The following ZDHHC11 variants were observed in gnomAD, a reference collection of about 807,000 sequenced individuals.
The protein encoded by ZDHHC11 is zDHHC palmitoyltransferase 11, also known as palmitoyltransferase ZDHHC11.
A neutral mutation model predicts 51.3 loss-of-function variants in ZDHHC11; 44 were observed. The observed-to-expected ratio is 0.86, with a 90% CI of 0.67 to 1.10. The LOEUF (loss-of-function observed/expected upper bound fraction) is 1.10, where lower values mean the gene tolerates loss of function less well. Among genes scored for constraint, ZDHHC11 ranks in the 50% least tolerant of loss-of-function variants. ZDHHC11 has a pLI of 0.00. For missense variants in ZDHHC11, 400 were observed against 537.7 expected (o/e 0.74, Z 2.53); for synonymous variants, 163 against 222.0 (o/e 0.73, Z 2.36).
At chr5:847,247 A>C (rs1579795771) in intron 3 of ZDHHC11, among the ~76,000 whole-genome samples, 2 of 151,796 alleles carry the variant, frequency 1.3e-5, no homozygotes, top group South Asian at 4.2e-4. Flanking sequence ...AGGAGGCCTC[A>C]GCCAGCGTGG....
At chr5:845,676 C>T (rs1428997485) in intron 3 of ZDHHC11, among the ~76,000 whole-genome samples, 2 of 151,926 alleles carry the variant, frequency 1.3e-5, no homozygotes, top group Admixed American at 6.6e-5. Context: ...GCCTCCCTCG[C>T]GGGGGCTCTG....
chr5:837,605 G>A lies in ZDHHC11; in HGVS notation c.785-125C>T, dbSNP rs566860721. 436 of 1,034,146 alleles carry A rather than the reference G, an allele frequency of 4.2e-4. 1 individual carries two copies. In the African/African-American group the frequency reaches 6.2e-3, roughly 15 times the overall value. 64.1% of individuals were successfully genotyped at this position (1,034,146 alleles called of 1,614,324 possible). A position where few individuals can be genotyped will look rare whatever the true frequency, so the allele number is the denominator to read the frequency against. ...GCCCCTGCACAGGGAGAACTGCTCCGCCCACCATGCAGGCCCTGTGAGGTC... is the reference window on the plus strand; with the variant it reads ...GCCCCTGCACAGGGAGAACTGCTCCACCCACCATGCAGGCCCTGTGAGGTC... On this transcript the variant is annotated intron_variant, in intron 5 of 12. Coordinates refer to ENST00000283441, the MANE Select transcript of ZDHHC11 (RefSeq NM_024786.3).
At chr5:808,970 T>C (rs1739693192) in intron 11 of ZDHHC11, among the ~76,000 whole-genome samples, 1 of 132,728 alleles carries the variant, frequency 7.5e-6, no homozygotes, top group African/African-American at 2.7e-5. Context: ...ATGCTCCATC[T>C]TTTGACCATC....
At chr5:822,877 C>A (rs1283286920) in intron 8 of ZDHHC11, among the ~76,000 whole-genome samples, 2 of 151,526 alleles carry the variant, frequency 1.3e-5, no homozygotes, top group African/African-American at 4.8e-5. Context: ...GTGATTTTAG[C>A]TGGTGGTTCC....
chr5:841,598 T>C, intron 4 of ZDHHC11: 1 of 996,326 alleles, frequency 1.0e-6, no homozygotes, highest in Middle Eastern at 5.1e-4. Flanking sequence ...ACCCATCCCT[T>C]GCTCATGGCC....
upstream of ZDHHC11, among the ~76,000 whole-genome samples, chr5:852,932 CG>C (rs1398341188): frequency 9.8e-5 from 13 of 133,168 alleles, no homozygotes; most frequent in South Asian, 2.5e-4. Flanking sequence ...GACAGCGAGC[CG>C]AGGGGACAGA....
chr5:852,825 G>A (rs1204711560), upstream of ZDHHC11, among the ~76,000 whole-genome samples: 4 of 148,296 alleles, frequency 2.7e-5, no homozygotes, highest in African/African-American at 1.0e-4. Flanking sequence ...ACCCCACGGA[G>A]GACAGCGAGC....
At chr5:836,439 T>C (rs1442546990) in intron 6 of ZDHHC11, among the ~76,000 whole-genome samples, 5 of 150,466 alleles carry the variant, frequency 3.3e-5, no homozygotes, top group Non-Finnish European at 5.9e-5. Flanking sequence ...GATCTCTGCC[T>C]GTGTTTCCTG....
chr5:841,994 GC>G (rs1379798954), intron 4 of ZDHHC11: 3 of 988,206 alleles, frequency 3.0e-6, no homozygotes, highest in Non-Finnish European at 3.6e-6. Flanking sequence ...ACCCCATGCT[GC>G]CCCCCTTAGC....
intron 8 of ZDHHC11, among the ~76,000 whole-genome samples, chr5:822,167 C>A: frequency 6.6e-6 from 1 of 151,322 alleles, no homozygotes; most frequent in East Asian, 1.9e-4. Context: ...GAGACAGGGT[C>A]TTGAAAGAGG....
At position 850,733 on chromosome 5, in the gene ZDHHC11, C is replaced by G. The variant is rs1396921764; in HGVS notation, c.-131G>C. The G allele has an allele frequency of 2.6e-5, 29 of 1,130,190 alleles. No homozygotes were observed. Among genetic ancestry groups the G allele is most frequent in the Non-Finnish European group, 3.6e-5 (29 of 800,656 alleles). The allele number at this position is 1,130,190 out of a possible 1,614,324, so 70.0% of individuals were successfully genotyped here. On this transcript the variant is annotated 5_prime_UTR_variant, in exon 1 of 13. Transcript: ENST00000283441. ...AGCACTGACAGCCAATGGCCCAGCA[C>G]TGCCTGGGGCCACGTTCCCCGCAGA...
chr5:827,986 C>T (rs1167183868), intron 7 of ZDHHC11, among the ~76,000 whole-genome samples: 1 of 151,216 alleles, frequency 6.6e-6, no homozygotes, highest in East Asian at 1.9e-4. Flanking sequence ...CAAAGCACAT[C>T]TTGCACCGCC....
At chr5:809,517 C>A (rs972102179) in intron 11 of ZDHHC11, among the ~76,000 whole-genome samples, 2 of 150,336 alleles carry the variant, frequency 1.3e-5, no homozygotes, top group Admixed American at 1.3e-4. Flanking sequence ...CAGAGGAGGC[C>A]ATCGGAGAAC....
chr5:832,153 C>T (rs1190383712), intron 7 of ZDHHC11, among the ~76,000 whole-genome samples: 1 of 118,048 alleles, frequency 8.5e-6, no homozygotes, highest in Non-Finnish European at 1.5e-5. Context: ...AATATCAGCA[C>T]TCACACAACC....
At chr5:849,287 CTCAG>C (rs895244438) in intron 1 of ZDHHC11, among the ~76,000 whole-genome samples, 2 of 152,162 alleles carry the variant, frequency 1.3e-5, no homozygotes, top group Non-Finnish European at 2.9e-5. Flanking sequence ...CCCCCAGAGG[CTCAG>C]TCAGCCCAGC....
In ZDHHC11 at chr5:801,139, T is replaced by C. The variant is rs1235864921; in HGVS notation, c.1207A>G (p.Met403Val). 12 of 1,610,848 alleles carry C rather than the reference T, an allele frequency of 7.4e-6. No individual in the cohort carries two copies. Among genetic ancestry groups the C allele is most frequent in the East Asian group, 2.2e-5 (1 of 44,902 alleles). ...LGLQQETTEP[M>V]KTDSAESED is the part of the protein sequence containing the mutation. ...TCACTTTCAGCACTGTCAGTTTTCA[T>C]GGGCTCTGTTGTTTCTTGTTGCAGC... is the stretch of plus-strand genomic sequence containing the variant. The change falls in exon 12 of 13, where the codon ATG becomes GTG. Residue 403 changes from methionine to valine, a missense_variant. Coordinates refer to ENST00000283441, the MANE Select transcript of ZDHHC11 (RefSeq NM_024786.3).
At chr5:844,615 G>C (rs1349353191) in intron 3 of ZDHHC11, among the ~76,000 whole-genome samples, 1 of 152,312 alleles carries the variant, frequency 6.6e-6, no homozygotes, top group Admixed American at 6.5e-5. Context: ...AGCCAGGGAA[G>C]GGGAGAGCCA....
At chr5:851,783 C>T (rs748736933), upstream of ZDHHC11, among the ~76,000 whole-genome samples, 2 of 152,114 alleles carry the variant, frequency 1.3e-5, no homozygotes, top group Non-Finnish European at 2.9e-5. Flanking sequence ...TGGCCGGGCG[C>T]GGGGGCTCAC....
intron 5 of ZDHHC11, among the ~76,000 whole-genome samples, chr5:838,515 C>T (rs1167041768): frequency 9.9e-5 from 15 of 152,082 alleles, no homozygotes; most frequent in African/African-American, 3.1e-4. Context: ...TCACAGGATG[C>T]GTCTCACCAC....
Sources: allele counts gnomAD v4.1 joint callset (sites outside exome capture counted in the v4.1 genomes callset), GRCh38; gene constraint gnomAD v4.1.1; transcripts MANE v1.5; gene names NCBI Gene and HGNC (gene_info 2026-07-23, HGNC 2026-07-21).